Variants in TEAD1 observed in about 807,000 individuals in gnomAD.
TEAD1 encodes the protein transcriptional enhancer factor TEF-1.
Under a neutral mutation model 54.9 loss-of-function variants are expected in TEAD1, and 9 were observed. The observed-to-expected ratio is 0.16, with a 90% CI of 0.10 to 0.29. The LOEUF is 0.29. Among genes scored for constraint, TEAD1 ranks in the 10% least tolerant of loss-of-function variants. TEAD1 has a pLI of 1.00. For synonymous variants in TEAD1, 200 were observed against 187.8 expected, an observed-to-expected ratio of 1.07 and a Z score of -0.53; for missense variants, 387 against 535.9, an observed-to-expected ratio of 0.72 and a Z score of 2.74.
intron 2 of TEAD1, among the ~76,000 whole-genome samples, chr11:12,677,710 C>A (rs77051673): frequency 1.2e-4 from 18 of 152,078 alleles, no homozygotes; most frequent in Admixed American, 1.1e-3. Flanking sequence ...GTATATAATA[C>A]GAACAGTTTA....
chr11:12,836,365 A>G (rs1946892275), intron 3 of TEAD1, among the ~76,000 whole-genome samples: 1 of 150,598 alleles, frequency 6.6e-6, no homozygotes, highest in Non-Finnish European at 1.5e-5. Context: ...GCTTGCAGTG[A>G]GTCAAGATTG....
intron 2 of TEAD1, among the ~76,000 whole-genome samples, chr11:12,753,468 G>C (rs1427006970): frequency 6.6e-6 from 1 of 152,170 alleles, no homozygotes; most frequent in Non-Finnish European, 1.5e-5. Context: ...CTAGTGGCTG[G>C]ATAGAGGTAT....
chr11:12,883,633 GC>G (rs1304291084), intron 9 of TEAD1, among the ~76,000 whole-genome samples: 7 of 152,124 alleles, frequency 4.6e-5, no homozygotes, highest in Non-Finnish European at 8.8e-5. Context: ...AAACTCTAAA[GC>G]CTAATCATTT....
chr11:12,904,449 G>A (rs1354153863), intron 10 of TEAD1, among the ~76,000 whole-genome samples: 1 of 152,142 alleles, frequency 6.6e-6, no homozygotes, highest in Non-Finnish European at 1.5e-5. Context: ...TTGTGTTAGA[G>A]CAATGGATTT....
At chr11:12,783,129 T>C (rs916821657) in intron 3 of TEAD1, among the ~76,000 whole-genome samples, 1 of 148,134 alleles carries the variant, frequency 6.8e-6, no homozygotes, top group Non-Finnish European at 1.5e-5. Flanking sequence ...TGTGTGTGTG[T>C]GTGTGCGCGC....
rs1947296581 is a variant in TEAD1, at chr11:12,852,474, G to C, written c.203-9776G>C. Among the ~76,000 whole-genome samples the C allele has an allele frequency of 2.1e-5, 3 of 145,858 alleles. No individual in the cohort carries two copies. The South Asian group carries it at 6.5e-4, about 31-fold the overall frequency. On this transcript the variant is annotated intron_variant, in intron 3 of 12. Transcript: ENST00000527636. Reference sequence around the variant, plus strand: ...CTTTTTTTTTTTTTTTCGAGACAGAGTCTCACTCTGTTGCCCAGGCTGGAG... The same window carrying C: ...CTTTTTTTTTTTTTTTCGAGACAGACTCTCACTCTGTTGCCCAGGCTGGAG...
rs373047641 is a variant in TEAD1, at chr11:12,740,979, T to C, written c.-54-23200T>C. Among the ~76,000 whole-genome samples, 8 of 152,194 alleles carry C rather than the reference T, an allele frequency of 5.3e-5. No homozygotes were observed. The East Asian group carries it at 5.8e-4, about 11-fold the overall frequency. On this transcript the variant is annotated intron_variant, in intron 2 of 12. Transcript: ENST00000527636. ...TACTTAAATTTTCTTTTTAAAAATA[T>C]TGGAATCCTTTCTTAAAAATTGCAA...
In TEAD1 at chr11:12,742,662, T is replaced by G. The variant is rs150198733; in HGVS notation, c.-54-21517T>G. 7.7e-3 allele frequency among the ~76,000 whole-genome samples: 1,179 copies of G among 152,322 alleles called. 15 individuals carry two copies. Among genetic ancestry groups the G allele is most frequent in the African/African-American group, 0.027 (1,122 of 41,578 alleles). On this transcript the variant is annotated intron_variant, in intron 2 of 12. Coordinates refer to ENST00000527636, the MANE Select transcript of TEAD1 (RefSeq NM_021961.6). ...ATTGGATCATTCCACAATATATACA[T>G]GTATGGAAATATCACATTGTACCCC...
chr11:12,879,042 C>A, intron 5 of TEAD1: 1 of 558,206 alleles, frequency 1.8e-6, no homozygotes, highest in Non-Finnish European at 2.8e-6. Flanking sequence ...GTAGCATCCC[C>A]TAGGCTCCTG....
intron 10 of TEAD1, among the ~76,000 whole-genome samples, chr11:12,915,305 C>G (rs913391484): frequency 6.6e-6 from 1 of 152,204 alleles, no homozygotes; most frequent in Non-Finnish European, 1.5e-5. Context: ...CCATTCTTCA[C>G]TGGGCAGGAG....
chr11:12,694,350 T>G (rs1241632100), intron 2 of TEAD1, among the ~76,000 whole-genome samples: 1 of 151,580 alleles, frequency 6.6e-6, no homozygotes, highest in African/African-American at 2.4e-5. Context: ...CCTGCCAAGC[T>G]CTGGCCTGTC....
At chr11:12,709,631 A>G (rs2133849786) in intron 2 of TEAD1, among the ~76,000 whole-genome samples, 1 of 152,162 alleles carries the variant, frequency 6.6e-6, no homozygotes, top group East Asian at 1.9e-4. Flanking sequence ...AGTTATCCTC[A>G]GCTCCCCCAA....
chr11:12,861,242 G>C (rs1947494547), intron 3 of TEAD1, among the ~76,000 whole-genome samples: 2 of 152,178 alleles, frequency 1.3e-5, no homozygotes, highest in African/African-American at 4.8e-5. Context: ...CTTAGCTTCT[G>C]GGGATATTTT....
chr11:12,864,645 T>C, intron 4 of TEAD1, 193 bp from the exon 5 acceptor site: 1 of 1,381,526 alleles, frequency 7.2e-7, no homozygotes, highest in South Asian at 1.5e-5. Context: ...TTGTTTTGTT[T>C]TGTTTTGTTT....
At chr11:12,902,484 T>A (rs1948443017) in intron 10 of TEAD1, among the ~76,000 whole-genome samples, 1 of 152,204 alleles carries the variant, frequency 6.6e-6, no homozygotes, top group South Asian at 2.1e-4. Flanking sequence ...TGCTTTAAAA[T>A]GACGGGCAAA....
intron 10 of TEAD1, chr11:12,922,923 CAAAAAAAAAAAAA>C (rs71037096): frequency 2.2e-5 from 1 of 46,224 alleles, no homozygotes; most frequent in Non-Finnish European, 4.1e-5. Flanking sequence ...GACCCTGTCT[CAAAAAAAAAAAAA>C]AAAAAAAAAA....
chr11:12,768,337 C>T (rs1199674443), intron 3 of TEAD1, among the ~76,000 whole-genome samples: 1 of 152,188 alleles, frequency 6.6e-6, no homozygotes, highest in African/African-American at 2.4e-5. Flanking sequence ...TGGAACACCA[C>T]CACCCCCTGC....
At chr11:12,911,025 G>A (rs1354192970) in intron 10 of TEAD1, among the ~76,000 whole-genome samples, 7 of 152,206 alleles carry the variant, frequency 4.6e-5, no homozygotes, top group Admixed American at 1.3e-4. Context: ...GGGATTACAG[G>A]CGTGAGCCAC....
At chr11:12,848,100 GT>G (rs1211111035) in intron 3 of TEAD1, among the ~76,000 whole-genome samples, 1 of 152,152 alleles carries the variant, frequency 6.6e-6, no homozygotes, top group African/African-American at 2.4e-5. Flanking sequence ...CCCTTCCTGA[GT>G]ACATCTATCC....
Sources: allele counts gnomAD v4.1 joint callset (sites outside exome capture counted in the v4.1 genomes callset), GRCh38; gene constraint gnomAD v4.1.1; transcripts MANE v1.5; gene names NCBI Gene and HGNC (gene_info 2026-07-23, HGNC 2026-07-21).